Variants in PALLD observed in about 807,000 individuals in gnomAD.
PALLD encodes the protein palladin.
In PALLD, 61 loss-of-function variants were observed where a neutral mutation model predicts 123.5. The ratio of observed to expected loss-of-function variants is 0.49; its 90% CI spans 0.40 to 0.61. The LOEUF (loss-of-function observed/expected upper bound fraction) is 0.61. PALLD is among the 20% of genes least tolerant of loss of function. The pLI is 0.00. For missense variants in PALLD, 1,273 were observed against 1,377.0 expected (o/e 0.92, Z 1.20); for synonymous variants, 465 against 496.4 (o/e 0.94, Z 0.84).
intron 10 of PALLD, among the ~76,000 whole-genome samples, chr4:168,795,455 T>G (rs1738352940): frequency 6.6e-6 from 1 of 152,236 alleles, no homozygotes; most frequent in Non-Finnish European, 1.5e-5. Context: ...ATGTATGTAT[T>G]ATATTGGTTG....
intron 10 of PALLD, among the ~76,000 whole-genome samples, chr4:168,724,471 A>G (rs1388134041): frequency 6.6e-6 from 1 of 152,216 alleles, no homozygotes; most frequent in Non-Finnish European, 1.5e-5. Flanking sequence ...TCTGAGAGTG[A>G]TTGTTTCCTT....
intron 10 of PALLD, among the ~76,000 whole-genome samples, chr4:168,823,970 A>T (rs1743073664): frequency 6.6e-6 from 1 of 152,216 alleles, no homozygotes; most frequent in African/African-American, 2.4e-5. Context: ...GAACAATGAC[A>T]CCAAAGTTAT....
intron 10 of PALLD, among the ~76,000 whole-genome samples, chr4:168,811,288 C>G (rs1267620253): frequency 6.6e-6 from 1 of 152,196 alleles, no homozygotes; most frequent in African/African-American, 2.4e-5. Flanking sequence ...GCCGTCATAC[C>G]TGTGTTCCCT....
chr4:168,893,041 T>C (rs570022817), intron 11 of PALLD, among the ~76,000 whole-genome samples: 2 of 152,308 alleles, frequency 1.3e-5, no homozygotes, highest in South Asian at 4.1e-4. Flanking sequence ...CCAGATGGCA[T>C]AGTGACTTAG....
At chr4:168,903,008 C>T (rs892406816) in intron 14 of PALLD, among the ~76,000 whole-genome samples, 12 of 152,140 alleles carry the variant, frequency 7.9e-5, no homozygotes, top group Admixed American at 2.0e-4. Flanking sequence ...AGCAATCCTC[C>T]TCAGCCTCCC....
chr4:168,605,205 G>A (rs1003814506), intron 2 of PALLD, among the ~76,000 whole-genome samples: 13 of 151,530 alleles, frequency 8.6e-5, no homozygotes, highest in African/African-American at 2.9e-4. Context: ...TCAGCCCCTG[G>A]AGCAGTGGTT....
Position 168,894,605 on chromosome 4 carries a change from T to C in PALLD, c.2127T>C (p.Ala709=). Residue 709 remains alanine (A), a synonymous_variant, in exon 12 of 22, where the codon GCT becomes GCC. Transcript: ENST00000505667. ...GGTTAACATACGAAGAAAGAATGGC[T>C]CGTCGACTGCTAGGTGCTGACAGTG... ...QPRLTYEERM[A]RRLLGADSAT... 1 of 1,613,574 alleles carries C rather than the reference T, an allele frequency of 6.2e-7. No individual in the cohort carries two copies. The highest frequency in any genetic ancestry group is 8.5e-7 in the Non-Finnish European group (1 of 1,179,618).
At chr4:168,839,411 G>A (rs1413104474) in intron 10 of PALLD, among the ~76,000 whole-genome samples, 3 of 152,136 alleles carry the variant, frequency 2.0e-5, no homozygotes, top group Non-Finnish European at 4.4e-5. Flanking sequence ...TGGGCGCTCT[G>A]TAGGTAGTCA....
intron 2 of PALLD, chr4:168,648,643 A>G (rs1777729901): frequency 6.6e-6 from 1 of 152,216 alleles, no homozygotes; most frequent in African/African-American, 2.4e-5. Context: ...AGGTCTCTTC[A>G]TGAATGTTCT....
intron 10 of PALLD, among the ~76,000 whole-genome samples, chr4:168,810,752 G>A (rs1264189327): frequency 1.3e-5 from 2 of 151,282 alleles, no homozygotes; most frequent in Non-Finnish European, 1.5e-5. Flanking sequence ...AGCTTGCAGT[G>A]AGCCGAGATT....
intron 2 of PALLD, among the ~76,000 whole-genome samples, chr4:168,631,185 C>G (rs1190728203): frequency 6.6e-6 from 1 of 152,190 alleles, no homozygotes; most frequent in African/African-American, 2.4e-5. Flanking sequence ...ATTTAACTCA[C>G]AAGAGGTAAC....
intron 10 of PALLD, among the ~76,000 whole-genome samples, chr4:168,719,393 A>G (rs1036563685): frequency 2.7e-5 from 4 of 149,478 alleles, no homozygotes; most frequent in Non-Finnish European, 4.4e-5. Context: ...AAGTAGCTGG[A>G]ATTACAGGCA....
intron 10 of PALLD, among the ~76,000 whole-genome samples, chr4:168,792,756 C>CT (rs113028695): frequency 2.0e-5 from 3 of 150,826 alleles, no homozygotes; most frequent in African/African-American, 2.4e-5. Flanking sequence ...TAATCTTATT[C>CT]TTTTTTTTTC....
At chr4:168,534,874 T>C (rs997344982) in intron 2 of PALLD, among the ~76,000 whole-genome samples, 4 of 152,214 alleles carry the variant, frequency 2.6e-5, no homozygotes, top group African/African-American at 9.6e-5. Flanking sequence ...CCAAAGATAA[T>C]GACTACTGAG....
At chr4:168,880,096 A>T (rs1752404545) in intron 10 of PALLD, among the ~76,000 whole-genome samples, 1 of 152,176 alleles carries the variant, frequency 6.6e-6, no homozygotes, top group Non-Finnish European at 1.5e-5. Context: ...AAAGGTGGTG[A>T]TGATTGTGCC....
At chr4:168,599,153 G>A (rs1176395843) in intron 2 of PALLD, among the ~76,000 whole-genome samples, 1 of 152,190 alleles carries the variant, frequency 6.6e-6, no homozygotes, top group Admixed American at 6.5e-5. Context: ...GAAGAATTCA[G>A]AGTTAAGAGA....
chr4:168,722,498 A>G (rs924612654), intron 10 of PALLD, among the ~76,000 whole-genome samples: 12 of 152,246 alleles, frequency 7.9e-5, no homozygotes, highest in African/African-American at 2.4e-4. Context: ...TCAAATAACA[A>G]TAATGTCAGG....
chr4:168,789,574 A>G (rs1737210749), intron 10 of PALLD, among the ~76,000 whole-genome samples: 1 of 151,954 alleles, frequency 6.6e-6, no homozygotes, highest in African/African-American at 2.4e-5. Context: ...GCGTGGTGGC[A>G]TGTGCCTGTA....
At chr4:168,892,454 G>A (rs1442014531) in intron 11 of PALLD, among the ~76,000 whole-genome samples, 1 of 152,156 alleles carries the variant, frequency 6.6e-6, no homozygotes, top group East Asian at 1.9e-4. Flanking sequence ...GAGAGCAGAG[G>A]AGGGGTGCTG....
Sources: gnomAD v4.1 joint callset for allele counts (sites outside exome capture counted in the v4.1 genomes callset) on GRCh38, gnomAD v4.1.1 for gene constraint, MANE v1.5 for transcripts, NCBI Gene and HGNC (gene_info 2026-07-23, HGNC 2026-07-21) for gene names.